The following TMEM232 variants were observed in gnomAD, a reference collection of about 807,000 sequenced individuals.
TMEM232 encodes the protein transmembrane protein 232.
TMEM232 carries 80 observed loss-of-function variants against 78.8 expected under a neutral mutation model. The observed-to-expected ratio is 1.01, with a 90% CI of 0.85 to 1.22. TMEM232 has a LOEUF of 1.22. Ranked by LOEUF, TMEM232 falls within the 50% of genes most tolerant of loss-of-function variation. The probability of loss-of-function intolerance (pLI) is 0.00; values close to 1 mark genes in which losing one functional copy is unlikely to be tolerated. For missense variants in TMEM232, 881 were observed against 742.2 expected, an observed-to-expected ratio of 1.19 and a Z score of -2.17; for synonymous variants, 297 against 254.3, an observed-to-expected ratio of 1.17 and a Z score of -1.60.
intron 12 of TMEM232, among the ~76,000 whole-genome samples, chr5:110,521,433 T>C (rs903152836): frequency 6.6e-6 from 1 of 152,222 alleles, no homozygotes; most frequent in Non-Finnish European, 1.5e-5. Flanking sequence ...ACTTTGTTGA[T>C]TGTTTATTTT....
upstream of TMEM232, among the ~76,000 whole-genome samples, chr5:110,730,602 A>AC (rs1798586551): frequency 6.6e-6 from 1 of 152,176 alleles, no homozygotes; most frequent in Non-Finnish European, 1.5e-5. Flanking sequence ...GGTGAAAGGC[A>AC]CTTCTTACAT....
At chr5:110,535,907 A>T (rs1677361075) in intron 11 of TMEM232, among the ~76,000 whole-genome samples, 1 of 152,160 alleles carries the variant, frequency 6.6e-6, no homozygotes, top group African/African-American at 2.4e-5. Context: ...TTCCACACCC[A>T]AATTATAAAA....
At chr5:110,482,018 A>T (rs191541184) in intron 12 of TMEM232, among the ~76,000 whole-genome samples, 124 of 152,230 alleles carry the variant, frequency 8.1e-4, no homozygotes, top group South Asian at 1.7e-3. Context: ...CAAACTAAAA[A>T]TTTTTTTAAT....
intron 4 of TMEM232, among the ~76,000 whole-genome samples, chr5:110,639,907 C>T (rs1047954270): frequency 1.3e-5 from 2 of 152,190 alleles, no homozygotes; most frequent in Admixed American, 6.5e-5. Flanking sequence ...CAGTAATGCT[C>T]GCTCCCTGGC....
intron 2 of TMEM232, among the ~76,000 whole-genome samples, chr5:110,406,023 G>A (rs1755776944): frequency 6.6e-6 from 1 of 151,580 alleles, no homozygotes; most frequent in Non-Finnish European, 1.5e-5. Flanking sequence ...AAACAGACAG[G>A]GGAAAACAGA....
chr5:110,443,583 T>G (rs948240693), intron 12 of TMEM232, among the ~76,000 whole-genome samples: 1 of 152,178 alleles, frequency 6.6e-6, no homozygotes, highest in Non-Finnish European at 1.5e-5. Context: ...TCTACACCAC[T>G]GTTGCCAAGC....
At chr5:110,471,762 C>T (rs942745864) in intron 12 of TMEM232, among the ~76,000 whole-genome samples, 1 of 152,024 alleles carries the variant, frequency 6.6e-6, no homozygotes, top group Non-Finnish European at 1.5e-5. Context: ...AGCTAACCTA[C>T]AAAACATGAC....
At chr5:110,596,655 G>C (rs1322423341) in intron 10 of TMEM232, among the ~76,000 whole-genome samples, 1 of 152,076 alleles carries the variant, frequency 6.6e-6, no homozygotes, top group Admixed American at 6.6e-5. Context: ...ACATCAAAAA[G>C]CTTATCCACC....
intron 10 of TMEM232, among the ~76,000 whole-genome samples, chr5:110,599,983 A>C (rs777840305): frequency 1.3e-5 from 2 of 152,224 alleles, no homozygotes; most frequent in Non-Finnish European, 2.9e-5. Context: ...CAGTGCAATC[A>C]AACTAGAACT....
chr5:110,650,527 G>GTGA (rs1788160627), intron 2 of TMEM232, among the ~76,000 whole-genome samples: 1 of 152,148 alleles, frequency 6.6e-6, no homozygotes, highest in African/African-American at 2.4e-5. Context: ...CTGATGTGAT[G>GTGA]TGATGAGAAT....
At chr5:110,499,610 G>C (rs996176147) in intron 12 of TMEM232, among the ~76,000 whole-genome samples, 13 of 140,164 alleles carry the variant, frequency 9.3e-5, no homozygotes, top group African/African-American at 3.6e-4. Context: ...AAAGAGAGGG[G>C]AAAAATATAT....
chr5:110,683,346 A>C (rs1280509690), intron 1 of TMEM232, among the ~76,000 whole-genome samples: 2 of 151,990 alleles, frequency 1.3e-5, no homozygotes, highest in African/African-American at 4.8e-5. Flanking sequence ...TAGATGTAAC[A>C]ATTTTTAAGC....
intron 12 of TMEM232, among the ~76,000 whole-genome samples, chr5:110,445,714 AAG>A (rs1759573963): frequency 6.6e-6 from 1 of 152,154 alleles, no homozygotes; most frequent in African/African-American, 2.4e-5. Flanking sequence ...CAACTATGGG[AAG>A]AGTCACTTAC....
chr5:110,409,251 C>T (rs1168133248), intron 2 of TMEM232, among the ~76,000 whole-genome samples: 1 of 152,090 alleles, frequency 6.6e-6, no homozygotes, highest in African/African-American at 2.4e-5. Context: ...ACTCTTTTTT[C>T]AATGCCAAAT....
chr5:110,672,441 C>A (rs902348154), intron 1 of TMEM232, among the ~76,000 whole-genome samples: 4 of 152,126 alleles, frequency 2.6e-5, no homozygotes, highest in African/African-American at 7.2e-5. Context: ...AGTTTGTAAA[C>A]CATTATTTGA....
At chr5:110,440,615 G>T (rs1039706695) in intron 12 of TMEM232, among the ~76,000 whole-genome samples, 6 of 152,094 alleles carry the variant, frequency 3.9e-5, no homozygotes, top group Non-Finnish European at 8.8e-5. Context: ...ATTTGAAGAA[G>T]AGAATAGATT....
In TMEM232 at chr5:110,532,702, C is replaced by T. The variant is rs370838065; in HGVS notation, c.1456-3867G>A. On this transcript the variant is annotated intron_variant, in intron 11 of 13. Transcript: ENST00000455884. ...TCCCAATCCAAAGCCTCCTTTGCAT[C>T]CTCCTCTTGTATCCCCCCACCTTAA... is the stretch of plus-strand genomic sequence containing the variant. Among the ~76,000 whole-genome samples the T allele has an allele frequency of 3.7e-4, 56 of 152,184 alleles. 1 individual carries two copies. The South Asian group carries it at 8.7e-3, about 24-fold the overall frequency.
chr5:110,417,012 C>T (rs552853483), downstream of TMEM232, among the ~76,000 whole-genome samples: 1 of 152,020 alleles, frequency 6.6e-6, no homozygotes, highest in South Asian at 2.1e-4. Flanking sequence ...AAACTTAAAA[C>T]CTTAAAAGTT....
intron 2 of TMEM232, among the ~76,000 whole-genome samples, chr5:110,646,691 T>G (rs1787527444): frequency 6.6e-6 from 1 of 151,864 alleles, no homozygotes; most frequent in Non-Finnish European, 1.5e-5. Flanking sequence ...CAAGTGGGAT[T>G]GCATCAAACT....
Sources: gnomAD v4.1 joint callset for allele counts (sites outside exome capture counted in the v4.1 genomes callset) on GRCh38, gnomAD v4.1.1 for gene constraint, MANE v1.5 for transcripts, NCBI Gene and HGNC (gene_info 2026-07-23, HGNC 2026-07-21) for gene names.